Variants in C9orf50 observed in about 807,000 individuals in gnomAD.
C9orf50 encodes uncharacterized protein C9orf50.
C9orf50 carries 33 observed loss-of-function variants against 42.5 expected under a neutral mutation model. The observed-to-expected ratio is 0.78, with a 90% CI of 0.59 to 1.04. C9orf50 has a LOEUF of 1.04. C9orf50 is among the 50% of genes least tolerant of loss of function. The pLI is 0.00. For synonymous variants in C9orf50, 257 were observed against 273.4 expected (o/e 0.94, Z 0.59); for missense variants, 547 against 594.3 (o/e 0.92, Z 0.83).
At chr9:129,617,225 G>A (rs147993426) in intron 3 of C9orf50, among the ~76,000 whole-genome samples, 1 of 152,340 alleles carries the variant, frequency 6.6e-6, no homozygotes, top group Non-Finnish European at 1.5e-5. Flanking sequence ...GTATGTCTGT[G>A]TAGATGCAGA....
At position 129,613,297 on chromosome 9, in the gene C9orf50, G is replaced by A. The variant is rs375867360; in HGVS notation, c.1044-46C>T. The stretch of plus-strand genomic sequence containing the variant: ...TGAGCTTCCTGGACTCTGAGTCCCC[G>A]GCCCACCCATGGCTGGCAGGGCCCT... On this transcript the variant is annotated intron_variant, in intron 5 of 6. Transcript: ENST00000372478. This position sits in a 1 kb window ranked among gnomAD's most constrained non-coding sequence, Gnocchi z 6.2. 2.5e-5 allele frequency: 40 copies of A among 1,570,716 alleles called. No individual in the cohort carries two copies. The highest frequency in any genetic ancestry group is 2.0e-4 in the South Asian group (17 of 84,980).
chr9:129,617,793 C>T (rs1461985872), intron 3 of C9orf50, among the ~76,000 whole-genome samples: 1 of 152,160 alleles, frequency 6.6e-6, no homozygotes, highest in Non-Finnish European at 1.5e-5. Flanking sequence ...AAGCAATCCT[C>T]CCACCTCAGC....
chr9:129,619,165 G>A (rs1214609283), intron 3 of C9orf50, among the ~76,000 whole-genome samples: 7 of 152,316 alleles, frequency 4.6e-5, no homozygotes, highest in Middle Eastern at 3.4e-3. Context: ...GTGGACAGAA[G>A]GATGGATGGA....
upstream of C9orf50, among the ~76,000 whole-genome samples, chr9:129,621,330 A>T (rs1395725415): frequency 6.6e-6 from 1 of 152,088 alleles, no homozygotes; most frequent in African/African-American, 2.4e-5. Flanking sequence ...TGGAGCCAAG[A>T]CAGTTTGTTG....
intron 3 of C9orf50, among the ~76,000 whole-genome samples, chr9:129,616,299 T>C (rs181529806): frequency 3.9e-5 from 6 of 152,298 alleles, no homozygotes; most frequent in Admixed American, 6.5e-5. Flanking sequence ...CATTGCAAGC[T>C]CCGCCTCCCG....
At chr9:129,619,591 G>A (rs1395878390) in exon 3 of C9orf50, 3 of 1,614,114 alleles carry the variant, frequency 1.9e-6, no homozygotes, top group Non-Finnish European at 1.7e-6. Context: ...GTGTCTGCTG[G>A]AGCGAAATCT....
At chr9:129,618,923 C>T (rs1281706398) in intron 3 of C9orf50, among the ~76,000 whole-genome samples, 2 of 137,618 alleles carry the variant, frequency 1.5e-5, no homozygotes, top group Non-Finnish European at 3.1e-5. Flanking sequence ...ACCGTGTTAT[C>T]CAGGGTGGTC....
At chr9:129,615,434 C>T (rs774340615) in intron 4 of C9orf50, 50 bp downstream of exon 4, 10 of 1,512,356 alleles carry the variant, frequency 6.6e-6, no homozygotes, top group Non-Finnish European at 8.8e-6. Flanking sequence ...TCTCTGCCCT[C>T]CTGGCTAGAA....
At chr9:129,612,480 G>A (rs1391033019) in intron 6 of C9orf50, 26 bp from the exon 7 acceptor site, 1 of 1,589,642 alleles carries the variant, frequency 6.3e-7, no homozygotes, top group Admixed American at 1.7e-5. Flanking sequence ...GGACCAGCTG[G>A]CTGCTACCAG....
At position 129,620,503 on chromosome 9, in the gene C9orf50, G is replaced by A; in HGVS notation, c.72C>T (p.Phe24=). The A allele has an allele frequency of 7.0e-7, 1 of 1,428,900 alleles. No homozygotes were observed. Among genetic ancestry groups the A allele is most frequent in the Non-Finnish European group, 9.2e-7 (1 of 1,088,826 alleles). 88.5% of individuals were successfully genotyped at this position (1,428,900 alleles called of 1,614,324 possible). A position where few individuals can be genotyped will look rare whatever the true frequency, so the allele number is the denominator to read the frequency against. ...GCAGCCGCGGGTCGCTGCTGCGTCG[G>A]AAGTCTCCGTCGCCAGGGAGCCCCT... Residue 24 remains phenylalanine, a synonymous_variant, in exon 1 of 7, where the codon TTC becomes TTT. Transcript: ENST00000372478. This position sits in a 1 kb window ranked among gnomAD's most constrained non-coding sequence, Gnocchi z 5.8.
rs1830232502 is a variant in C9orf50, at chr9:129,614,157, T to C, written c.881-560A>G. Among the ~76,000 whole-genome samples, 1 of 152,114 alleles carries C rather than the reference T, an allele frequency of 6.6e-6. No homozygotes were observed. The highest frequency in any genetic ancestry group is 2.4e-5 in the African/African-American group (1 of 41,406). ...GCACCAACTGCCATTCACATGAAAT[T>C]GTTTCTCTTGGGCTTGTCCTGGCCT... On this transcript the variant is annotated intron_variant, in intron 4 of 6. Transcript: ENST00000372478. The surrounding 1 kb of genome is among the most constrained non-coding windows in gnomAD (Gnocchi z 4.4).
At chr9:129,619,125 TG>T (rs1293997723) in intron 3 of C9orf50, among the ~76,000 whole-genome samples, 1 of 152,038 alleles carries the variant, frequency 6.6e-6, no homozygotes, top group African/African-American at 2.4e-5. Flanking sequence ...TATGGATGGA[TG>T]GAGTCATGGG....
At chr9:129,617,654 G>C (rs1162871156) in intron 3 of C9orf50, among the ~76,000 whole-genome samples, 1 of 152,140 alleles carries the variant, frequency 6.6e-6, no homozygotes, top group Non-Finnish European at 1.5e-5. Context: ...TGAACGTTCT[G>C]AGGTTGGTAA....
chr9:129,621,593 C>T (rs1230217722), upstream of C9orf50, among the ~76,000 whole-genome samples: 2 of 152,186 alleles, frequency 1.3e-5, no homozygotes, highest in Non-Finnish European at 2.9e-5. Context: ...GTCTTGAACT[C>T]CTGGGCTCAA....
At chr9:129,616,468 C>T (rs1293102594) in intron 3 of C9orf50, among the ~76,000 whole-genome samples, 1 of 152,150 alleles carries the variant, frequency 6.6e-6, no homozygotes, top group African/African-American at 2.4e-5. Context: ...CACCCCCCTT[C>T]GCCTTCCTAA....
At chr9:129,616,373 G>A (rs1382555433) in intron 3 of C9orf50, among the ~76,000 whole-genome samples, 4 of 152,152 alleles carry the variant, frequency 2.6e-5, no homozygotes, top group African/African-American at 7.2e-5. Flanking sequence ...GTGCCACCAC[G>A]CCCGGCTAAT....
rs1020472216 is a variant in C9orf50, at chr9:129,620,509, T to A, written c.66A>T (p.Gly22=). Residue 22 remains glycine (G), a synonymous_variant, in exon 1 of 7, where the codon GGA becomes GGT. Transcript: ENST00000372478. This position sits in a 1 kb window ranked among gnomAD's most constrained non-coding sequence, Gnocchi z 5.8. ...GCGGGTCGCTGCTGCGTCGGAAGTC[T>A]CCGTCGCCAGGGAGCCCCTTGGGCG... The A allele has an allele frequency of 7.0e-7, 1 of 1,436,132 alleles. No individual in the cohort carries two copies. The highest frequency in any genetic ancestry group is 9.2e-7 in the Non-Finnish European group (1 of 1,092,696). 89.0% of individuals were successfully genotyped at this position (1,436,132 alleles called of 1,614,324 possible).
At chr9:129,619,624 C>G (rs745405190) in exon 3 of C9orf50, 12 of 1,613,942 alleles carry the variant, frequency 7.4e-6, no homozygotes, top group Non-Finnish European at 1.0e-5. Flanking sequence ...CCTGGAGGTG[C>G]GATGACTGGC....
At chr9:129,620,941 A>T (rs1164038587), upstream of C9orf50, among the ~76,000 whole-genome samples, 1 of 152,168 alleles carries the variant, frequency 6.6e-6, no homozygotes, top group Non-Finnish European at 1.5e-5. The surrounding 1 kb of genome is among the most constrained non-coding windows in gnomAD (Gnocchi z 5.8). Context: ...ATTATTTAGG[A>T]TTTAGTCCCA....
Sources: allele counts gnomAD v4.1 joint callset (sites outside exome capture counted in the v4.1 genomes callset), GRCh38; gene constraint gnomAD v4.1.1; non-coding constraint Gnocchi (gnomAD v3.1); transcripts MANE v1.5; gene names NCBI Gene and HGNC (gene_info 2026-07-23, HGNC 2026-07-21).